ZDHHC7: variants seen among roughly 807,000 people sequenced by gnomAD.
ZDHHC7 encodes zDHHC palmitoyltransferase 7.
ZDHHC7 carries 12 observed loss-of-function variants against 34.1 expected under a neutral mutation model. That is an observed-to-expected ratio of 0.35 (90% CI 0.23 to 0.57). ZDHHC7 has a LOEUF of 0.57. ZDHHC7 is among the 20% of genes least tolerant of loss of function. The probability of loss-of-function intolerance (pLI) is 0.84; values close to 1 mark genes in which losing one functional copy is unlikely to be tolerated. For synonymous variants in ZDHHC7, 185 were observed against 155.4 expected (o/e 1.19, Z -1.42); for missense variants, 388 against 402.7 (o/e 0.96, Z 0.31).
In ZDHHC7 at chr16:84,981,866, G is replaced by C. The variant is rs372346656; in HGVS notation, c.440+4C>G. Reference sequence around the variant, plus strand: ...GCTCGGGTTTAATACAGCAGCGCACGTACCTGCAGTGGTGGGCGCGCTCGG... The same window carrying C: ...GCTCGGGTTTAATACAGCAGCGCACCTACCTGCAGTGGTGGGCGCGCTCGG... On this transcript the variant is annotated splice_donor_region_variant and intron_variant, in intron 4 of 7. Coordinates refer to ENST00000313732, the MANE Select transcript of ZDHHC7 (RefSeq NM_017740.3). The C allele has an allele frequency of 3.1e-6, 5 of 1,613,938 alleles. No individual in the cohort carries two copies. In the Admixed American group the frequency reaches 8.3e-5, roughly 27 times the overall value.
At chr16:85,021,086 C>G in the ZDHHC7 span, among the ~76,000 whole-genome samples, 1 of 150,050 alleles carries the variant, frequency 6.7e-6, no homozygotes, top group Non-Finnish European at 1.5e-5. Context: ...GCCTAAGTGA[C>G]AGAGCAAGAC....
the ZDHHC7 span, among the ~76,000 whole-genome samples, chr16:85,019,530 C>T: frequency 1.3e-5 from 2 of 152,084 alleles, no homozygotes; most frequent in Admixed American, 1.3e-4. Flanking sequence ...CCAGCCTGGC[C>T]AATATGGTGA....
intron 5 of ZDHHC7, among the ~76,000 whole-genome samples, chr16:84,978,413 T>A (rs979592415): frequency 7.9e-5 from 12 of 152,136 alleles, no homozygotes; most frequent in African/African-American, 2.9e-4. Context: ...CTACCCAAGA[T>A]CATATTAGAC....
upstream of ZDHHC7, among the ~76,000 whole-genome samples, chr16:85,013,950 A>C (rs2072823834): frequency 6.6e-6 from 1 of 152,196 alleles, no homozygotes; most frequent in Admixed American, 6.5e-5. Flanking sequence ...GGCCTCCCAA[A>C]GTGCTGGGAT....
chr16:84,995,261 C>T (rs2072561647), intron 2 of ZDHHC7, among the ~76,000 whole-genome samples: 1 of 152,170 alleles, frequency 6.6e-6, no homozygotes, highest in Non-Finnish European at 1.5e-5. Context: ...TAAATAAAGC[C>T]CTGTTTCCCA....
intron 1 of ZDHHC7, among the ~76,000 whole-genome samples, chr16:85,002,289 A>ACGAGTGGAGTACGGAAAGG (rs547353839): frequency 1.6e-3 from 238 of 152,246 alleles, no homozygotes; most frequent in South Asian, 0.014. Context: ...ACAGTTTCTA[A>ACGAGTGGAGTACGGAAAGG]CGAGTGGAGT....
chr16:85,025,180 A>C, the ZDHHC7 span, among the ~76,000 whole-genome samples: 21 of 152,190 alleles, frequency 1.4e-4, no homozygotes, highest in Admixed American at 3.9e-4. Flanking sequence ...TGGGAGGCTA[A>C]GGCAAGAGAA....
intron 1 of ZDHHC7, among the ~76,000 whole-genome samples, chr16:85,001,613 A>G (rs2072654395): frequency 6.6e-6 from 1 of 152,212 alleles, no homozygotes; most frequent in Non-Finnish European, 1.5e-5. Flanking sequence ...GCATATGGAA[A>G]TATCTACAGA....
At chr16:85,008,505 C>A (rs1040022055) in intron 1 of ZDHHC7, among the ~76,000 whole-genome samples, 12 of 144,718 alleles carry the variant, frequency 8.3e-5, no homozygotes, top group Non-Finnish European at 1.2e-4. Context: ...CACCTACACC[C>A]CCCCCCAAAA....
intron 1 of ZDHHC7, among the ~76,000 whole-genome samples, chr16:84,996,569 C>G (rs1364640585): frequency 6.6e-6 from 1 of 152,106 alleles, no homozygotes; most frequent in Non-Finnish European, 1.5e-5. Context: ...GGAATCCTCT[C>G]TGGCACTAAC....
At chr16:85,012,519 G>C (rs547243889), upstream of ZDHHC7, among the ~76,000 whole-genome samples, 2 of 151,938 alleles carry the variant, frequency 1.3e-5, no homozygotes, top group African/African-American at 4.8e-5. Context: ...GCTCTAGATA[G>C]CTTAAAGACA....
intron 1 of ZDHHC7, among the ~76,000 whole-genome samples, chr16:84,997,840 C>G (rs2143691751): frequency 7.1e-6 from 1 of 140,718 alleles, no homozygotes. Flanking sequence ...TTGCAGTGGG[C>G]CGAGATGGCG....
intron 2 of ZDHHC7, among the ~76,000 whole-genome samples, chr16:84,993,419 C>A (rs930417468): frequency 1.3e-5 from 2 of 152,086 alleles, no homozygotes; most frequent in Non-Finnish European, 2.9e-5. Flanking sequence ...ATCTCTTGAG[C>A]CCAGGAGTTT....
chr16:84,993,692 G>C (rs1245092203), intron 2 of ZDHHC7, among the ~76,000 whole-genome samples: 3 of 152,122 alleles, frequency 2.0e-5, no homozygotes, highest in African/African-American at 7.2e-5. Flanking sequence ...AATCATTTGA[G>C]TGAAATAGAA....
the ZDHHC7 span, among the ~76,000 whole-genome samples, chr16:85,018,434 G>A: frequency 6.7e-6 from 1 of 149,876 alleles, no homozygotes; most frequent in Non-Finnish European, 1.5e-5. Flanking sequence ...ATTCAGTTAT[G>A]TACACTTATT....
chr16:85,002,142 C>A (rs1235298544), intron 1 of ZDHHC7, among the ~76,000 whole-genome samples: 2 of 152,110 alleles, frequency 1.3e-5, no homozygotes, highest in East Asian at 1.9e-4. Flanking sequence ...CGAGTCCAGA[C>A]TGATATAAAG....
In ZDHHC7 at chr16:84,975,894, T is replaced by C; in HGVS notation, c.*449A>G. ...GAGCTAATCGAGACCAAAACGTCTT[T>C]CTATGTAAACGCCCTGCTGTGATCC... is the stretch of plus-strand genomic sequence containing the variant. On this transcript the variant is annotated 3_prime_UTR_variant, in exon 8 of 8. Transcript: ENST00000313732. 5.9e-6 allele frequency: 1 copy of C among 169,064 alleles called. No individual in the cohort carries two copies. Among genetic ancestry groups the C allele is most frequent in the Non-Finnish European group, 1.3e-5 (1 of 79,288 alleles). The allele number at this position is 169,064 out of a possible 1,614,324, so 10.5% of individuals were successfully genotyped here.
chr16:84,990,206 A>C, intron 3 of ZDHHC7, 98 bp downstream of exon 3: 2 of 1,380,080 alleles, frequency 1.4e-6, no homozygotes, highest in Non-Finnish European at 9.9e-7. Context: ...ACCCATGTCA[A>C]TATGTCCCTG....
chr16:84,988,855 G>A (rs768948533), intron 3 of ZDHHC7: 24 of 1,551,570 alleles, frequency 1.5e-5, no homozygotes, highest in South Asian at 3.6e-5. Flanking sequence ...GCAGATGGTC[G>A]GCAGTCACTG....
Sources: gnomAD v4.1 joint callset for allele counts (sites outside exome capture counted in the v4.1 genomes callset) on GRCh38, gnomAD v4.1.1 for gene constraint, MANE v1.5 for transcripts, NCBI Gene and HGNC (gene_info 2026-07-23, HGNC 2026-07-21) for gene names.